The following URI1 variants were observed in gnomAD, a reference collection of about 807,000 sequenced individuals.
URI1 encodes the protein unconventional prefoldin RPB5 interactor 1.
URI1 carries 39 observed loss-of-function variants against 60.2 expected under a neutral mutation model. The ratio of observed to expected loss-of-function variants is 0.65; its 90% confidence interval spans 0.50 to 0.85. URI1 has a LOEUF of 0.85. Among genes scored for constraint, URI1 ranks in the 40% least tolerant of loss-of-function variants. The pLI, the probability that URI1 is intolerant of heterozygous loss-of-function variation, is 0.00. For missense variants in URI1, 691 were observed against 665.9 expected, an observed-to-expected ratio of 1.04 and a Z score of -0.42; for synonymous variants, 251 against 236.8, an observed-to-expected ratio of 1.06 and a Z score of -0.55.
intron 1 of URI1, among the ~76,000 whole-genome samples, chr19:29,952,152 T>A (rs1291408443): frequency 9.9e-5 from 15 of 152,234 alleles, no homozygotes; most frequent in Non-Finnish European, 2.2e-4. Context: ...TTAAGTAATT[T>A]TTGCAAATAA....
intron 4 of URI1, among the ~76,000 whole-genome samples, chr19:29,999,933 T>C (rs1172669456): frequency 6.6e-6 from 1 of 151,826 alleles, no homozygotes; most frequent in Admixed American, 6.6e-5. Context: ...CTCTGCTCTT[T>C]TTATTCATAT....
At chr19:29,988,943 A>G (rs893524074) in intron 4 of URI1, among the ~76,000 whole-genome samples, 1 of 152,120 alleles carries the variant, frequency 6.6e-6, no homozygotes, top group Admixed American at 6.5e-5. Flanking sequence ...CCAGCCCTCA[A>G]TATTGTCAGT....
intron 2 of URI1, among the ~76,000 whole-genome samples, chr19:29,976,644 A>G (rs573235100): frequency 6.6e-6 from 1 of 152,342 alleles, no homozygotes; most frequent in South Asian, 2.1e-4. Flanking sequence ...CTACACACAC[A>G]AAAAGGAAGT....
At chr19:29,966,653 A>C (rs1246214634) in intron 1 of URI1, among the ~76,000 whole-genome samples, 12 of 152,228 alleles carry the variant, frequency 7.9e-5, no homozygotes, top group Admixed American at 6.5e-4. Context: ...TCTTTTAAGA[A>C]ATTATTTTCA....
Position 29,956,417 on chromosome 19 carries a change from C to G in URI1, c.117+13753C>G, listed in dbSNP as rs561235655. 1.1e-5 allele frequency: 17 copies of G among 1,516,174 alleles called. 1 individual carries two copies. In the Admixed American group the frequency reaches 2.4e-4, roughly 21 times the overall value. The allele number at this position is 1,516,174 out of a possible 1,614,324, so 93.9% of individuals were successfully genotyped here. A position where few individuals can be genotyped will look rare whatever the true frequency, so the allele number is the denominator to read the frequency against. On this transcript the variant is annotated intron_variant, in intron 1 of 10. Transcript: ENST00000392271. ...AGCTGGATAACTCTTAGATCTGATTCATCAACCTGCTGAACAGTTCCTTTT... is the reference window on the plus strand; with the variant it reads ...AGCTGGATAACTCTTAGATCTGATTGATCAACCTGCTGAACAGTTCCTTTT...
intron 1 of URI1, among the ~76,000 whole-genome samples, chr19:29,948,967 G>A (rs1439355750): frequency 2.0e-5 from 3 of 149,262 alleles, no homozygotes; most frequent in East Asian, 2.0e-4. Context: ...GGGCGGAGGC[G>A]CCCCCCACCT....
chr19:29,984,774 C>T (rs1488211746), intron 2 of URI1, among the ~76,000 whole-genome samples: 2 of 152,032 alleles, frequency 1.3e-5, no homozygotes, highest in Non-Finnish European at 2.9e-5. Flanking sequence ...TCCCAAATTG[C>T]TGGGATTACA....
intron 2 of URI1, chr19:29,980,286 T>A (rs1485181783): frequency 6.6e-6 from 1 of 151,956 alleles, no homozygotes; most frequent in Non-Finnish European, 1.5e-5. Flanking sequence ...GCCATAGGCT[T>A]GTTGTAGAGG....
chr19:30,006,956 GTTTC>G lies in URI1; in HGVS notation c.518-513_518-510del, dbSNP rs1458853535. 5.3e-5 allele frequency among the ~76,000 whole-genome samples: 8 copies of G among 152,176 alleles called. No homozygotes were observed. The East Asian group carries it at 1.5e-3, about 29-fold the overall frequency. ...AACTTTACAGAGATGAGCCGCCGTT[GTTTC>G]CTTGTAGGGTACTCATTCCTTGGCA... On this transcript the variant is annotated intron_variant, in intron 6 of 10. Transcript: ENST00000392271.
At chr19:29,959,614 G>T (rs1408223752) in intron 1 of URI1, among the ~76,000 whole-genome samples, 2 of 152,272 alleles carry the variant, frequency 1.3e-5, no homozygotes, top group African/African-American at 2.4e-5. Context: ...TCAAGGAATT[G>T]TCCTTTCTAA....
intron 1 of URI1, among the ~76,000 whole-genome samples, chr19:29,952,273 T>TA (rs1303124944): frequency 2.0e-5 from 3 of 152,232 alleles, no homozygotes; most frequent in Non-Finnish European, 2.9e-5. Flanking sequence ...TGCACAAAGA[T>TA]TATAAGAGAT....
At chr19:29,928,361 A>G (rs1353085983) in intron 1 of URI1, among the ~76,000 whole-genome samples, 1 of 152,096 alleles carries the variant, frequency 6.6e-6, no homozygotes, top group Non-Finnish European at 1.5e-5. Context: ...CAAGGCTGAG[A>G]AGGAGTGCAG....
chr19:29,992,066 G>T (rs1197212788), intron 4 of URI1, among the ~76,000 whole-genome samples: 1 of 151,890 alleles, frequency 6.6e-6, no homozygotes, highest in East Asian at 1.9e-4. Context: ...ATTTAAAGTG[G>T]GTTTCTTTTT....
intron 4 of URI1, chr19:30,004,519 T>TA (rs1220055383): frequency 6.6e-6 from 1 of 152,076 alleles, no homozygotes; most frequent in African/African-American, 2.4e-5. Context: ...GTGCCTGTTG[T>TA]AAAACAGTAG....
rs75109829 is a variant in URI1 at position 29,931,441 on chromosome 19, C to T, written c.63+7687C>T. ...CTTGCATGCAGAGCAAGAGAAAGCTCTCTGGTATCTCTGCCAGGATAGGGA... is the reference window on the plus strand; with the variant it reads ...CTTGCATGCAGAGCAAGAGAAAGCTTTCTGGTATCTCTGCCAGGATAGGGA... On this transcript the variant is annotated intron_variant, in intron 1 of 10. Coordinates refer to the URI1 transcript ENST00000360605. Among the ~76,000 whole-genome samples, 576 of 152,224 alleles carry T rather than the reference C, an allele frequency of 3.8e-3. 6 individuals are homozygous for T. Among genetic ancestry groups the T allele is most frequent in the African/African-American group, 0.013 (556 of 41,538 alleles).
intron 1 of URI1, among the ~76,000 whole-genome samples, chr19:29,930,284 C>T (rs977370674): frequency 6.6e-5 from 10 of 152,046 alleles, no homozygotes; most frequent in Non-Finnish European, 1.3e-4. Context: ...TGATGACATC[C>T]AATTTACAGT....
upstream of URI1, among the ~76,000 whole-genome samples, chr19:29,938,519 C>T (rs1479366133): frequency 6.6e-6 from 1 of 152,118 alleles, no homozygotes; most frequent in Non-Finnish European, 1.5e-5. Context: ...GGAACAATAT[C>T]CAAACCATGT....
chr19:29,933,006 C>G (rs186698796), intron 1 of URI1, among the ~76,000 whole-genome samples: 18 of 152,246 alleles, frequency 1.2e-4, no homozygotes, highest in African/African-American at 3.9e-4. Context: ...GGAATAAATT[C>G]CACTTGTTCA....
chr19:29,964,649 A>G (rs1396891190), intron 1 of URI1, among the ~76,000 whole-genome samples: 2 of 151,368 alleles, frequency 1.3e-5, no homozygotes. Context: ...TTTCGTAGAG[A>G]TAGGGCTTCA....
Sources: gnomAD v4.1 joint callset for allele counts (sites outside exome capture counted in the v4.1 genomes callset) on GRCh38, gnomAD v4.1.1 for gene constraint, MANE v1.5 for transcripts, NCBI Gene and HGNC (gene_info 2026-07-23, HGNC 2026-07-21) for gene names.